Variants in HDAC4 observed in about 807,000 individuals in gnomAD.
HDAC4 encodes histone deacetylase 4.
In HDAC4, 16 loss-of-function variants were observed where a neutral mutation model predicts 135.1. The ratio of observed to expected loss-of-function variants is 0.12; its 90% CI spans 0.08 to 0.18. The LOEUF is 0.18. Ranked by LOEUF, HDAC4 falls within the 10% of genes least tolerant of loss-of-function variation. The pLI, the probability that HDAC4 is intolerant of heterozygous loss-of-function variation, is 1.00. For synonymous variants in HDAC4, 685 were observed against 653.4 expected (o/e 1.05, Z -0.74); for missense variants, 1,143 against 1,511.8 (o/e 0.76, Z 4.05).
At chr2:239,193,600 G>A (rs61746958) in intron 3 of HDAC4, among the ~76,000 whole-genome samples, 180 of 152,334 alleles carry the variant, frequency 1.2e-3, no homozygotes, top group African/African-American at 2.1e-3. Context: ...TCATGGGGAC[G>A]GGGGAGCCCA....
chr2:239,067,443 T>G (rs909661070), intron 23 of HDAC4, among the ~76,000 whole-genome samples: 3 of 152,154 alleles, frequency 2.0e-5, no homozygotes, highest in Non-Finnish European at 4.4e-5. Flanking sequence ...CGCCGCTAAT[T>G]AGTGGCCCCG....
intron 4 of HDAC4, among the ~76,000 whole-genome samples, chr2:239,188,549 T>G (rs1045094434): frequency 6.6e-6 from 1 of 152,220 alleles, no homozygotes; most frequent in African/African-American, 2.4e-5. Flanking sequence ...AAGCACCAGG[T>G]TGCATACGGT....
At chr2:239,346,365 T>C (rs925570292) in intron 2 of HDAC4, among the ~76,000 whole-genome samples, 18 of 146,276 alleles carry the variant, frequency 1.2e-4, no homozygotes, top group African/African-American at 4.7e-4. Context: ...ACACACATCT[T>C]AACACACATC....
At chr2:239,335,166 T>A (rs930184210) in intron 2 of HDAC4, among the ~76,000 whole-genome samples, 1 of 152,284 alleles carries the variant, frequency 6.6e-6, no homozygotes, top group East Asian at 1.9e-4. Context: ...TAAGACAGTG[T>A]TGCACTGGTA....
rs944809400 is a variant in HDAC4, at chr2:239,309,735, C to T, written c.22+42943G>A. Among the ~76,000 whole-genome samples the T allele has an allele frequency of 6.6e-6, 1 of 152,202 alleles. No homozygotes were observed. Among genetic ancestry groups the T allele is most frequent in the Non-Finnish European group, 1.5e-5 (1 of 68,022 alleles). On this transcript the variant is annotated intron_variant, in intron 2 of 26. Coordinates refer to ENST00000543185, the MANE Select transcript of HDAC4 (RefSeq NM_001378414.1). This position sits in a 1 kb window ranked among gnomAD's most constrained non-coding sequence, Gnocchi z 4.2. ...GCTGGGGGGCCTCAAGGGAGGCAATCCCCCCACACACCATCCCCTTCCCCT... is the reference window on the plus strand; with the variant it reads ...GCTGGGGGGCCTCAAGGGAGGCAATTCCCCCACACACCATCCCCTTCCCCT...
At chr2:239,084,093 T>C in intron 20 of HDAC4, 62 bp downstream of exon 20, 1 of 1,160,122 alleles carries the variant, frequency 8.6e-7, no homozygotes, top group Non-Finnish European at 1.3e-6. Context: ...CACACGCTGC[T>C]GTCCGCTCGG....
chr2:239,154,325 G>T (rs2042290388), intron 7 of HDAC4, among the ~76,000 whole-genome samples: 1 of 152,166 alleles, frequency 6.6e-6, no homozygotes, highest in South Asian at 2.1e-4. Context: ...GACAAGAGGA[G>T]ACTCTGGGGA....
chr2:239,249,392 G>A (rs1327905813), intron 2 of HDAC4, among the ~76,000 whole-genome samples: 1 of 152,186 alleles, frequency 6.6e-6, no homozygotes, highest in Admixed American at 6.5e-5. Flanking sequence ...AGGACTCTGC[G>A]ATGGACTTGG....
intron 2 of HDAC4, among the ~76,000 whole-genome samples, chr2:239,277,246 A>C (rs2050423706): frequency 6.6e-6 from 1 of 152,232 alleles, no homozygotes; most frequent in Non-Finnish European, 1.5e-5. Context: ...CGGTGAGCTC[A>C]GCTTCTGAAG....
intron 2 of HDAC4, among the ~76,000 whole-genome samples, chr2:239,249,851 G>A (rs923415249): frequency 6.6e-6 from 1 of 152,120 alleles, no homozygotes; most frequent in Non-Finnish European, 1.5e-5. Context: ...AGGAAAGAAT[G>A]TGCACAAAAT....
At chr2:239,114,703 G>C (rs1277033704) in intron 13 of HDAC4, among the ~76,000 whole-genome samples, 3 of 152,170 alleles carry the variant, frequency 2.0e-5, no homozygotes, top group African/African-American at 7.2e-5. Flanking sequence ...AATACCTCTA[G>C]TTCCTTCACT....
In HDAC4 at chr2:239,285,611, G is replaced by A. The variant is rs1458826973; in HGVS notation, c.23-48947C>T. Among the ~76,000 whole-genome samples, 2 of 152,204 alleles carry A rather than the reference G, an allele frequency of 1.3e-5. No individual in the cohort carries two copies. The highest frequency in any genetic ancestry group is 2.9e-5 in the Non-Finnish European group (2 of 68,040). ...AGTACTAGAAACTTCCTCTTCTGGG[G>A]ACGTGGCAGACAAGTCATCTTACAG... On this transcript the variant is annotated intron_variant, in intron 2 of 26. Transcript: ENST00000543185. This position sits in a 1 kb window ranked among gnomAD's most constrained non-coding sequence, Gnocchi z 4.5.
At position 239,306,069 on chromosome 2, in the gene HDAC4, GC is replaced by G. The variant is rs2052564594; in HGVS notation, c.22+46608del. ...CCTGGCTTCACATGAGAAACACTCT[GC>G]TTAAGTAACTACTTCATCACTCAAG... On this transcript the variant is annotated intron_variant, in intron 2 of 26. Transcript: ENST00000543185. The surrounding 1 kb of genome is among the most constrained non-coding windows in gnomAD (Gnocchi z 4.5). 6.6e-6 allele frequency among the ~76,000 whole-genome samples: 1 copy of G among 152,148 alleles called. No individual in the cohort carries two copies. Among genetic ancestry groups the G allele is most frequent in the Non-Finnish European group, 1.5e-5 (1 of 68,020 alleles).
chr2:239,199,960 G>C (rs866236391), intron 3 of HDAC4, among the ~76,000 whole-genome samples: 1 of 152,054 alleles, frequency 6.6e-6, no homozygotes, highest in Non-Finnish European at 1.5e-5. Flanking sequence ...GGATGGTCTC[G>C]ATCTCCTGAC....
chr2:239,277,447 G>A (rs1029543840), intron 2 of HDAC4, among the ~76,000 whole-genome samples: 1 of 152,204 alleles, frequency 6.6e-6, no homozygotes, highest in Non-Finnish European at 1.5e-5. Context: ...CTGGGAGTAC[G>A]GGCCGGTCAG....
chr2:239,303,770 C>T lies in HDAC4; in HGVS notation c.22+48908G>A, dbSNP rs1312027847. 1.3e-5 allele frequency among the ~76,000 whole-genome samples: 2 copies of T among 152,200 alleles called. No individual in the cohort carries two copies. Among genetic ancestry groups the T allele is most frequent in the Non-Finnish European group, 2.9e-5 (2 of 68,036 alleles). ...CCTCACTCTTCAAAAGCGACTGCGA[C>T]AGCTGCATCCCCCGTGCTCAACTGC... is the stretch of plus-strand genomic sequence containing the variant. On this transcript the variant is annotated intron_variant, in intron 2 of 26. Coordinates refer to ENST00000543185, the MANE Select transcript of HDAC4 (RefSeq NM_001378414.1). This position sits in a 1 kb window ranked among gnomAD's most constrained non-coding sequence, Gnocchi z 5.1.
intron 7 of HDAC4, among the ~76,000 whole-genome samples, chr2:239,149,733 A>ACAGCCATGCCCG (rs2041992443): frequency 6.6e-6 from 1 of 152,086 alleles, no homozygotes; most frequent in Non-Finnish European, 1.5e-5. Context: ...GGGCAAGCAC[A>ACAGCCATGCCCG]CAGCCATGCC....
intron 2 of HDAC4, among the ~76,000 whole-genome samples, chr2:239,350,602 C>T (rs545484819): frequency 6.6e-6 from 1 of 152,258 alleles, no homozygotes; most frequent in Non-Finnish European, 1.5e-5. Flanking sequence ...CTCCCAGGTT[C>T]AAGCGATTAT....
chr2:239,207,772 T>A (rs1223241292), intron 3 of HDAC4, among the ~76,000 whole-genome samples: 1 of 152,136 alleles, frequency 6.6e-6, no homozygotes, highest in African/African-American at 2.4e-5. Context: ...GACAGCCACG[T>A]TTCAACTAAT....
Sources: allele counts gnomAD v4.1 joint callset (sites outside exome capture counted in the v4.1 genomes callset), GRCh38; gene constraint gnomAD v4.1.1; non-coding constraint Gnocchi (gnomAD v3.1); transcripts MANE v1.5; gene names NCBI Gene and HGNC (gene_info 2026-07-23, HGNC 2026-07-21).